INO80D: variants seen among roughly 807,000 people sequenced by gnomAD.
The protein encoded by INO80D is INO80 complex subunit D.
INO80D carries 21 observed loss-of-function variants against 87.6 expected under a neutral mutation model. The observed-to-expected ratio is 0.24, with a 90% CI of 0.17 to 0.35. INO80D has a LOEUF of 0.35. Among genes scored for constraint, INO80D ranks in the 10% least tolerant of loss-of-function variants. The pLI is 1.00. For missense variants in INO80D, 982 were observed against 1,280.7 expected, an observed-to-expected ratio of 0.77 and a Z score of 3.56; for synonymous variants, 440 against 491.0, an observed-to-expected ratio of 0.90 and a Z score of 1.37.
In INO80D at chr2:206,078,297, G is replaced by A. The variant is rs899682301; in HGVS notation, c.-124+7604C>T. 2.0e-5 allele frequency among the ~76,000 whole-genome samples: 3 copies of A among 152,014 alleles called. No individual in the cohort carries two copies. The East Asian group carries it at 5.8e-4, about 30-fold the overall frequency. Reference sequence around the variant, plus strand: ...GCCGGCGTGGTGGCACGCGCCTGTAGTCCCAGCTACTCAGGAGGCTGAGGC... The same window carrying A: ...GCCGGCGTGGTGGCACGCGCCTGTAATCCCAGCTACTCAGGAGGCTGAGGC... On this transcript the variant is annotated intron_variant, in intron 1 of 10. Coordinates refer to ENST00000403263, the MANE Select transcript of INO80D (RefSeq NM_017759.5).
chr2:206,045,212 G>A (rs368929617), intron 5 of INO80D, among the ~76,000 whole-genome samples: 7 of 152,138 alleles, frequency 4.6e-5, no homozygotes, highest in African/African-American at 1.7e-4. Context: ...GTGTAGTTTT[G>A]TTTAGTGACC....
intron 5 of INO80D, among the ~76,000 whole-genome samples, chr2:206,034,588 A>G (rs1164302377): frequency 6.6e-6 from 1 of 152,210 alleles, no homozygotes; most frequent in Non-Finnish European, 1.5e-5. Context: ...TACAAGGGAC[A>G]TACCTCAATA....
At chr2:206,075,225 C>T (rs1349615498) in intron 1 of INO80D, among the ~76,000 whole-genome samples, 2 of 152,110 alleles carry the variant, frequency 1.3e-5, no homozygotes, top group African/African-American at 4.8e-5. Context: ...CCAATGATAA[C>T]CACAAAACAA....
intron 3 of INO80D, among the ~76,000 whole-genome samples, chr2:206,057,729 T>C (rs1689562146): frequency 6.6e-6 from 1 of 152,118 alleles, no homozygotes; most frequent in South Asian, 2.1e-4. Context: ...GCTTGGGTGA[T>C]GGTTGCACCA....
chr2:206,043,886 G>C (rs1325100964), intron 5 of INO80D, among the ~76,000 whole-genome samples: 3 of 152,142 alleles, frequency 2.0e-5, no homozygotes, highest in Non-Finnish European at 2.9e-5. Context: ...TTGGAATAAA[G>C]ATGGAAGTTT....
At chr2:206,015,045 T>C (rs1278538771) in intron 8 of INO80D, among the ~76,000 whole-genome samples, 1 of 152,182 alleles carries the variant, frequency 6.6e-6, no homozygotes, top group African/African-American at 2.4e-5. Context: ...TTGAGAGAGA[T>C]GATCTAGGGT....
intron 5 of INO80D, among the ~76,000 whole-genome samples, chr2:206,033,144 C>A (rs1017002524): frequency 6.6e-6 from 1 of 152,148 alleles, no homozygotes; most frequent in Non-Finnish European, 1.5e-5. Context: ...AAAGGCATTC[C>A]ATGCAAATGG....
chr2:206,013,551 C>CAA lies in INO80D; in HGVS notation c.1543-3759_1543-3758dup, dbSNP rs201436038. On this transcript the variant is annotated intron_variant, in intron 8 of 10. Transcript: ENST00000403263. ...TGGGTGATAAAGCAAGACTCCATCTCAAAAAAAAAAAAAAAATTGTTATAG... is the reference window on the plus strand; with the variant it reads ...TGGGTGATAAAGCAAGACTCCATCTCAAAAAAAAAAAAAAAAAATTGTTATAG... 9.8e-4 allele frequency among the ~76,000 whole-genome samples: 120 copies of CAA among 122,804 alleles called. No individual in the cohort carries two copies. The East Asian group carries it at 0.013, about 13-fold the overall frequency. The allele number at this position is 122,804 out of a possible 152,430, so 80.6% of individuals were successfully genotyped here. A position where few individuals can be genotyped will look rare whatever the true frequency, so the allele number is the denominator to read the frequency against.
At chr2:206,015,303 G>A (rs1213267382) in intron 8 of INO80D, among the ~76,000 whole-genome samples, 17 of 152,214 alleles carry the variant, frequency 1.1e-4, no homozygotes, top group Admixed American at 1.1e-3. Flanking sequence ...GGGCACGTCA[G>A]ATGTCTTCTC....
chr2:206,048,045 CG>C (rs1372122450), intron 4 of INO80D, among the ~76,000 whole-genome samples: 3 of 151,698 alleles, frequency 2.0e-5, no homozygotes, highest in Non-Finnish European at 1.5e-5. Context: ...TTAGTAGAGA[CG>C]GGGTTTCACC....
rs144828076 is a variant in INO80D, at chr2:206,075,499, C to T, written c.-124+10402G>A. Among the ~76,000 whole-genome samples, 1,451 of 151,380 alleles carry T rather than the reference C, an allele frequency of 9.6e-3. 10 individuals are homozygous for T. The highest frequency in any genetic ancestry group is 0.033 in the African/African-American group (1,362 of 41,246). On this transcript the variant is annotated intron_variant, in intron 1 of 10. Transcript: ENST00000403263. ...TTGCCCAGGCTGGAGTGCAGTGGCACGATGTTGGCTCACTGCAACCTCTGC... is the reference window on the plus strand; with the variant it reads ...TTGCCCAGGCTGGAGTGCAGTGGCATGATGTTGGCTCACTGCAACCTCTGC...
chr2:206,010,261 A>G (rs1688136274), intron 8 of INO80D, among the ~76,000 whole-genome samples: 1 of 151,554 alleles, frequency 6.6e-6, no homozygotes, highest in Admixed American at 6.6e-5. Context: ...ACCGACCACA[A>G]TTCTTTTTTT....
intron 5 of INO80D, among the ~76,000 whole-genome samples, chr2:206,045,011 A>T (rs1689158223): frequency 6.6e-6 from 1 of 152,208 alleles, no homozygotes; most frequent in African/African-American, 2.4e-5. Flanking sequence ...AGTGTAAGAA[A>T]AAAAGGTATA....
At position 206,040,385 on chromosome 2, in the gene INO80D, A is replaced by G. The variant is rs76350637; in HGVS notation, c.1073+6119T>C. On this transcript the variant is annotated intron_variant, in intron 5 of 10. Coordinates refer to ENST00000403263, the MANE Select transcript of INO80D (RefSeq NM_017759.5). ...TAACATGTTAGACGTAAATGCAATA[A>G]TAGCCTTCCTTCCTTTTTGTTGTAG... The G allele has an allele frequency of 3.1e-3, 489 of 159,680 alleles. 3 individuals carry two copies. Among genetic ancestry groups the G allele is most frequent in the African/African-American group, 0.011 (465 of 41,810 alleles). The allele number at this position is 159,680 out of a possible 1,614,324, so 9.9% of individuals were successfully genotyped here. A position where few individuals can be genotyped will look rare whatever the true frequency, so the allele number is the denominator to read the frequency against.
chr2:206,029,054 A>AT (rs1465104508), intron 5 of INO80D, among the ~76,000 whole-genome samples: 2 of 151,524 alleles, frequency 1.3e-5, no homozygotes, highest in Admixed American at 1.3e-4. Flanking sequence ...CGCCTGGCTA[A>AT]TTTTTTTGTA....
chr2:206,017,477 T>C (rs1210447034), intron 8 of INO80D, among the ~76,000 whole-genome samples: 5 of 152,180 alleles, frequency 3.3e-5, no homozygotes, highest in East Asian at 1.9e-4. Context: ...CTTAGAGACA[T>C]AGGAACAAAG....
chr2:206,014,809 G>C (rs1688275274), intron 8 of INO80D, among the ~76,000 whole-genome samples: 1 of 152,158 alleles, frequency 6.6e-6, no homozygotes. Context: ...GGAGGGCTCA[G>C]AAGAAGACAG....
Position 206,003,963 on chromosome 2 carries a change from TA to T in INO80D, c.*404del. ...GTCTCTTATACAGGAACTCAATTAA[TA>T]AGATCATTCTATCTAGAACCACCTA... is the stretch of plus-strand genomic sequence containing the variant. On this transcript the variant is annotated 3_prime_UTR_variant, in exon 11 of 11. Coordinates refer to ENST00000403263, the MANE Select transcript of INO80D (RefSeq NM_017759.5). The T allele has an allele frequency of 5.1e-6, 1 of 195,142 alleles. No homozygotes were observed. The highest frequency in any genetic ancestry group is 1.2e-4 in the South Asian group (1 of 8,390). 12.1% of individuals were successfully genotyped at this position (195,142 alleles called of 1,614,324 possible). A position where few individuals can be genotyped will look rare whatever the true frequency, so the allele number is the denominator to read the frequency against.
chr2:206,050,440 C>G (rs1307782697), intron 4 of INO80D, among the ~76,000 whole-genome samples: 1 of 138,754 alleles, frequency 7.2e-6, no homozygotes, highest in South Asian at 2.3e-4. Flanking sequence ...TGCAGTGAGC[C>G]GAGACCTCGC....
Sources: allele counts gnomAD v4.1 joint callset (sites outside exome capture counted in the v4.1 genomes callset), GRCh38; gene constraint gnomAD v4.1.1; transcripts MANE v1.5; gene names NCBI Gene and HGNC (gene_info 2026-07-23, HGNC 2026-07-21).